Variants in GABBR2 observed in about 807,000 individuals in gnomAD.
The protein encoded by GABBR2 is G-protein coupled receptor 51.
In GABBR2, 23 loss-of-function variants were observed where a neutral mutation model predicts 105.6. The ratio of observed to expected loss-of-function variants is 0.22; its 90% CI spans 0.16 to 0.31. The LOEUF (loss-of-function observed/expected upper bound fraction) is 0.31, where lower values mean the gene tolerates loss of function less well. GABBR2 is among the 10% of genes least tolerant of loss of function. The probability of loss-of-function intolerance (pLI) is 1.00; values close to 1 mark genes in which losing one functional copy is unlikely to be tolerated. For synonymous variants in GABBR2, 478 were observed against 499.7 expected (o/e 0.96, Z 0.58); for missense variants, 734 against 1,245.5 (o/e 0.59, Z 6.18).
At position 98,327,688 on chromosome 9, in the gene GABBR2, G is replaced by A. The variant is rs560110902; in HGVS notation, c.1894-16483C>T. 7.9e-5 allele frequency among the ~76,000 whole-genome samples: 12 copies of A among 152,016 alleles called. No homozygotes were observed. The South Asian group carries it at 2.5e-3, about 32-fold the overall frequency. Reference sequence around the variant, plus strand: ...GTTTGAGACCAGCCTGGTCAACATGGTGAAACCCCGTCTCTACTAAAAATA... The same window carrying A: ...GTTTGAGACCAGCCTGGTCAACATGATGAAACCCCGTCTCTACTAAAAATA... On this transcript the variant is annotated intron_variant, in intron 13 of 18. Coordinates refer to ENST00000259455, the MANE Select transcript of GABBR2 (RefSeq NM_005458.8).
intron 7 of GABBR2, among the ~76,000 whole-genome samples, chr9:98,436,298 TATATACCCATAAATATACC>T (rs1825903598): frequency 1.7e-5 from 2 of 115,640 alleles, no homozygotes; most frequent in African/African-American, 3.4e-5. Context: ...TATATATATA[TATATACCCATAAATATACC>T]ATATATATAT....
At chr9:98,338,945 A>G (rs1255152747) in intron 13 of GABBR2, among the ~76,000 whole-genome samples, 4 of 152,272 alleles carry the variant, frequency 2.6e-5, no homozygotes, top group Non-Finnish European at 5.9e-5. Context: ...GATATTACTT[A>G]GCCATAAAAA....
chr9:98,600,102 T>C (rs1011124080), intron 1 of GABBR2, among the ~76,000 whole-genome samples: 3 of 152,058 alleles, frequency 2.0e-5, no homozygotes, highest in Admixed American at 2.0e-4. Context: ...TCATCCATCA[T>C]AAAAAGCTCA....
intron 13 of GABBR2, among the ~76,000 whole-genome samples, chr9:98,317,410 G>T (rs10818774): frequency 0.037 from 5,594 of 152,290 alleles, 159 homozygotes; most frequent in East Asian, 0.14. Context: ...CAAATATCCC[G>T]CTCTGTCCGG....
intron 12 of GABBR2, among the ~76,000 whole-genome samples, chr9:98,370,961 C>T (rs978050673): frequency 3.3e-5 from 5 of 152,216 alleles, no homozygotes; most frequent in African/African-American, 1.2e-4. Flanking sequence ...TTTAAGGGCT[C>T]CCTATTGCCC....
intron 13 of GABBR2, among the ~76,000 whole-genome samples, chr9:98,341,784 T>G (rs1157117841): frequency 6.6e-6 from 1 of 152,154 alleles, no homozygotes; most frequent in Non-Finnish European, 1.5e-5. Flanking sequence ...ATGCTTCACT[T>G]GGCAGCCTCA....
At chr9:98,583,114 C>T (rs1829025026) in intron 1 of GABBR2, among the ~76,000 whole-genome samples, 1 of 152,214 alleles carries the variant, frequency 6.6e-6, no homozygotes, top group Non-Finnish European at 1.5e-5. Context: ...TGGCTAAAAG[C>T]AAGAGAAACA....
chr9:98,423,699 G>T (rs967405292), intron 7 of GABBR2, among the ~76,000 whole-genome samples: 9 of 152,332 alleles, frequency 5.9e-5, no homozygotes, highest in Admixed American at 5.2e-4. Context: ...GTCCTGAATG[G>T]TAATGCCTAG....
chr9:98,428,269 C>T (rs1234034312), intron 7 of GABBR2, among the ~76,000 whole-genome samples: 1 of 151,996 alleles, frequency 6.6e-6, no homozygotes, highest in African/African-American at 2.4e-5. Context: ...TACCTCAGAA[C>T]GGAAGGAGGA....
In GABBR2 at chr9:98,642,664, A is replaced by G. The variant is rs184260380; in HGVS notation, c.322-64592T>C. Among the ~76,000 whole-genome samples the G allele has an allele frequency of 1.0e-3, 159 of 152,298 alleles. 1 individual carries two copies. The highest frequency in any genetic ancestry group is 1.2e-3 in the Non-Finnish European group (82 of 68,026). On this transcript the variant is annotated intron_variant, in intron 1 of 18. Transcript: ENST00000259455. ...CATCATATTATTTTAGCACATCTTG[A>G]GCAGGAATTTTTAATGGAACAGAAT...
chr9:98,618,889 C>T (rs1217447282), intron 1 of GABBR2, among the ~76,000 whole-genome samples: 1 of 152,222 alleles, frequency 6.6e-6, no homozygotes, highest in Non-Finnish European at 1.5e-5. Context: ...AGGCAAGTCA[C>T]TCCCCTTCTT....
intron 1 of GABBR2, among the ~76,000 whole-genome samples, chr9:98,584,291 A>C (rs1459906852): frequency 6.6e-6 from 1 of 152,234 alleles, no homozygotes; most frequent in Non-Finnish European, 1.5e-5. Context: ...CTCTGTCTTC[A>C]GTCTTGCCAC....
chr9:98,637,792 G>T (rs1211820043), intron 1 of GABBR2, among the ~76,000 whole-genome samples: 7 of 152,148 alleles, frequency 4.6e-5, no homozygotes, highest in Admixed American at 4.6e-4. Context: ...AGCCCACCAA[G>T]CCCCATGTTG....
At position 98,666,737 on chromosome 9, in the gene GABBR2, A is replaced by G. The variant is rs899683822; in HGVS notation, c.321+41680T>C. Among the ~76,000 whole-genome samples, 3 of 152,326 alleles carry G rather than the reference A, an allele frequency of 2.0e-5. No individual in the cohort carries two copies. In the East Asian group the frequency reaches 5.8e-4, roughly 29 times the overall value. ...CTACTATATTGGACAGCACAGGTCT[A>G]GAGGGCCTGAGCAACAGAGAGGGAA... On this transcript the variant is annotated intron_variant, in intron 1 of 18. Transcript: ENST00000259455.
chr9:98,463,787 C>T (rs1056923204), intron 6 of GABBR2, among the ~76,000 whole-genome samples: 8 of 152,150 alleles, frequency 5.3e-5, no homozygotes, highest in African/African-American at 7.2e-5. Context: ...AGGCACTCGC[C>T]GCCACTCCTG....
At chr9:98,426,271 A>G (rs1382600100) in intron 7 of GABBR2, among the ~76,000 whole-genome samples, 2 of 152,234 alleles carry the variant, frequency 1.3e-5, no homozygotes, top group Non-Finnish European at 2.9e-5. Context: ...TAACCTATCC[A>G]GGACTTAAAG....
intron 12 of GABBR2, among the ~76,000 whole-genome samples, chr9:98,365,627 A>G (rs563962675): frequency 5.1e-4 from 77 of 152,370 alleles, no homozygotes; most frequent in Non-Finnish European, 9.6e-4. Context: ...TTGAGTGCCT[A>G]CCCTGAGTCA....
At chr9:98,353,213 T>C (rs977429410) in intron 13 of GABBR2, among the ~76,000 whole-genome samples, 9 of 152,238 alleles carry the variant, frequency 5.9e-5, no homozygotes, top group Non-Finnish European at 1.3e-4. Flanking sequence ...GAGCTGATCC[T>C]GATCTCTCTT....
intron 13 of GABBR2, among the ~76,000 whole-genome samples, chr9:98,317,830 AACAAACC>A (rs1830744956): frequency 6.6e-6 from 1 of 152,158 alleles, no homozygotes; most frequent in African/African-American, 2.4e-5. Flanking sequence ...ACAGGCATTC[AACAAACC>A]ACACAGTACA....
Sources: gnomAD v4.1 joint callset for allele counts (sites outside exome capture counted in the v4.1 genomes callset) on GRCh38, gnomAD v4.1.1 for gene constraint, MANE v1.5 for transcripts, NCBI Gene and HGNC (gene_info 2026-07-23, HGNC 2026-07-21) for gene names.